The following MYH10 variants were observed in gnomAD, a reference collection of about 807,000 sequenced individuals.
MYH10 encodes the protein myosin-10.
Under a neutral mutation model 257.8 loss-of-function variants are expected in MYH10, and 55 were observed. The ratio of observed to expected loss-of-function variants is 0.21; its 90% confidence interval spans 0.17 to 0.27. MYH10 has a LOEUF of 0.27. Ranked by LOEUF, MYH10 falls within the 10% of genes least tolerant of loss-of-function variation. MYH10 has a pLI of 1.00. For missense variants in MYH10, 1,631 were observed against 2,500.6 expected (o/e 0.65, Z 7.42); for synonymous variants, 854 against 921.7 (o/e 0.93, Z 1.33).
chr17:8,600,651 G>A (rs1053587195), intron 3 of MYH10, among the ~76,000 whole-genome samples: 6 of 152,140 alleles, frequency 3.9e-5, no homozygotes, highest in African/African-American at 1.2e-4. Context: ...AGGAAACAAC[G>A]TGCTGGGGCC....
chr17:8,500,301 C>G (rs1917321477), intron 29 of MYH10, among the ~76,000 whole-genome samples: 1 of 152,056 alleles, frequency 6.6e-6, no homozygotes, highest in Admixed American at 6.6e-5. Flanking sequence ...AGTCACAGGG[C>G]ACATGAAATT....
At position 8,576,688 on chromosome 17, in the gene MYH10, A is replaced by G. The variant is rs1284693143; in HGVS notation, c.634-16T>C. The G allele has an allele frequency of 6.4e-7, 1 of 1,550,592 alleles. No individual in the cohort carries two copies. The highest frequency in any genetic ancestry group is 8.7e-7 in the Non-Finnish European group (1 of 1,146,918). ...GCGATTCCTGCTGTTCATTACAAAC[A>G]GACAAATGCAAATGTTAGCAAGTTT... is the stretch of plus-strand genomic sequence containing the variant. On this transcript the variant is annotated splice_polypyrimidine_tract_variant and intron_variant, in intron 5 of 42. Coordinates refer to ENST00000360416, the MANE Select transcript of MYH10 (RefSeq NM_001256012.3).
chr17:8,527,030 A>T (rs998953627), intron 17 of MYH10, among the ~76,000 whole-genome samples: 18 of 152,234 alleles, frequency 1.2e-4, no homozygotes, highest in Non-Finnish European at 1.9e-4. Context: ...CATTTAAATA[A>T]GGTAAGACAA....
rs942483772 is a variant in MYH10 at position 8,572,366 on chromosome 17, G to A, written c.664-2554C>T. On this transcript the variant is annotated intron_variant, in intron 6 of 42. Transcript: ENST00000360416. ...CCTGTGCCTAACTCGGTCAGTATCA[G>A]GTCAAAATGATGCTTGGCAAATGCT... 5.3e-5 allele frequency among the ~76,000 whole-genome samples: 8 copies of A among 152,058 alleles called. No individual in the cohort carries two copies. The East Asian group carries it at 9.7e-4, about 18-fold the overall frequency.
At chr17:8,493,976 GAC>G in intron 31 of MYH10, 91 bp from the exon 32 acceptor site, 1 of 1,421,774 alleles carries the variant, frequency 7.0e-7, no homozygotes. Context: ...GTACAAAAGA[GAC>G]AGCCTCAATG....
chr17:8,555,683 A>ATT (rs2082770090), intron 7 of MYH10, among the ~76,000 whole-genome samples: 1 of 152,252 alleles, frequency 6.6e-6, no homozygotes, highest in Admixed American at 6.5e-5. Context: ...TAAAACTATA[A>ATT]AACTTCTCAA....
At chr17:8,617,677 T>C (rs1480024662) in intron 2 of MYH10, among the ~76,000 whole-genome samples, 6 of 152,246 alleles carry the variant, frequency 3.9e-5, no homozygotes, top group Non-Finnish European at 8.8e-5. Context: ...TGGCTGTTCA[T>C]TGAAGCAATG....
intron 23 of MYH10, among the ~76,000 whole-genome samples, chr17:8,513,060 G>A (rs898289599): frequency 7.2e-5 from 11 of 152,106 alleles, no homozygotes; most frequent in African/African-American, 2.7e-4. Flanking sequence ...TTCTATTATT[G>A]CCACAACAAA....
chr17:8,492,553 A>G, intron 33 of MYH10, 44 bp from the exon 34 acceptor site: 1 of 1,559,816 alleles, frequency 6.4e-7, no homozygotes, highest in Non-Finnish European at 8.7e-7. Flanking sequence ...CGAAACAGTG[A>G]CATCAACTTT....
chr17:8,594,244 A>G (rs532302625), intron 3 of MYH10, among the ~76,000 whole-genome samples: 3 of 152,260 alleles, frequency 2.0e-5, no homozygotes, highest in Non-Finnish European at 4.4e-5. Flanking sequence ...AAGAACTCTC[A>G]AAATTGAAAA....
At chr17:8,549,886 C>T (rs938029456) in intron 9 of MYH10, among the ~76,000 whole-genome samples, 8 of 151,238 alleles carry the variant, frequency 5.3e-5, no homozygotes, top group African/African-American at 9.7e-5. Context: ...GACGGGGTTT[C>T]GCTGTGTTGG....
At chr17:8,516,716 T>G (rs1290542349) in intron 21 of MYH10, among the ~76,000 whole-genome samples, 1 of 152,258 alleles carries the variant, frequency 6.6e-6, no homozygotes. Flanking sequence ...TCTATGAAGT[T>G]AGCCTGGCAC....
At chr17:8,593,337 C>G (rs958088207) in intron 3 of MYH10, among the ~76,000 whole-genome samples, 2 of 151,818 alleles carry the variant, frequency 1.3e-5, no homozygotes, top group African/African-American at 4.8e-5. Flanking sequence ...AAAACAAAAT[C>G]CAAAGCATAG....
chr17:8,576,530 T>G (rs1597872393), intron 6 of MYH10, 113 bp downstream of exon 6: 2 of 1,076,802 alleles, frequency 1.9e-6, no homozygotes, highest in East Asian at 5.3e-5. Flanking sequence ...TAAAATTTTT[T>G]AATGACAGAT....
In MYH10 at chr17:8,481,078, CTGCGGTG is replaced by C. The variant is rs1419878352; in HGVS notation, c.5264+237_5264+243del. ...CGTTGGCGCACCCCACGGCTCCCCC[CTGCGGTG>C]TGCAGGGCTCAGCAGGACTGGCACG... On this transcript the variant is annotated intron_variant, in intron 38 of 42. Coordinates refer to ENST00000360416, the MANE Select transcript of MYH10 (RefSeq NM_001256012.3). Among the ~76,000 whole-genome samples, 15 of 1,894 alleles carry C rather than the reference CTGCGGTG, an allele frequency of 7.9e-3. No homozygotes were observed. The East Asian group carries it at 0.45, about 57-fold the overall frequency. 1.2% of individuals were successfully genotyped at this position (1,894 alleles called of 152,430 possible).
At position 8,518,720 on chromosome 17, in the gene MYH10, A is replaced by G. The variant is rs367911765; in HGVS notation, c.2415T>C (p.Val805=). ...GQSKIFFRAG[V]LAHLEEERDL... is the part of the protein sequence containing the mutation. ...CTCTTTCTTCCTCTAAGTGTGCCAG[A>G]ACTCCAGCTCTGAAAAATATCTTGC... Residue 805 remains valine, a synonymous_variant, in exon 21 of 43, where the codon GTT becomes GTC. Coordinates refer to ENST00000360416, the MANE Select transcript of MYH10 (RefSeq NM_001256012.3). The G allele has an allele frequency of 3.1e-6, 5 of 1,614,064 alleles. No homozygotes were observed. The highest frequency in any genetic ancestry group is 4.2e-6 in the Non-Finnish European group (5 of 1,180,004).
rs1443625197 is a variant in MYH10, at chr17:8,520,988, C to T, written c.2163G>A (p.Leu721=). 1.9e-6 allele frequency: 3 copies of T among 1,609,334 alleles called. No individual in the cohort carries two copies. Among genetic ancestry groups the T allele is most frequent in the Non-Finnish European group, 2.5e-6 (3 of 1,176,620 alleles). The change falls in exon 19 of 43, where the codon TTG becomes TTA. Residue 721 remains leucine, a synonymous_variant. Transcript: ENST00000360416. ...IPNHEKRAGK[L]DPHLVLDQLR... The stretch of plus-strand genomic sequence containing the variant: ...GCTGATCTAGGACTAGGTGTGGATC[C>T]AATTTTCCAGCCTAATCAAGCAAAC...
chr17:8,518,386 A>G (rs1029347304), intron 21 of MYH10, among the ~76,000 whole-genome samples: 3 of 152,106 alleles, frequency 2.0e-5, no homozygotes, highest in African/African-American at 7.2e-5. Context: ...TGCCCACTTC[A>G]GCCTCCCAAA....
intron 26 of MYH10, among the ~76,000 whole-genome samples, chr17:8,507,597 A>G (rs1214485398): frequency 6.6e-6 from 1 of 152,264 alleles, no homozygotes; most frequent in African/African-American, 2.4e-5. Flanking sequence ...ATTAAACACA[A>G]TGGTCTGTAG....
Sources: allele counts gnomAD v4.1 joint callset (sites outside exome capture counted in the v4.1 genomes callset), GRCh38; gene constraint gnomAD v4.1.1; transcripts MANE v1.5; gene names NCBI Gene and HGNC (gene_info 2026-07-23, HGNC 2026-07-21).